The following AFF1 variants were observed in gnomAD, a reference collection of about 807,000 sequenced individuals.
AFF1 encodes the protein ALF transcription elongation factor 1.
In AFF1, 48 loss-of-function variants were observed where a neutral mutation model predicts 121.7. The observed-to-expected ratio is 0.39, with a 90% CI of 0.31 to 0.50. The LOEUF is 0.50. AFF1 is among the 20% of genes least tolerant of loss of function. AFF1 has a pLI of 0.76. For synonymous variants in AFF1, 613 were observed against 563.0 expected (o/e 1.09, Z -1.26); for missense variants, 1,523 against 1,511.7 (o/e 1.01, Z -0.12).
chr4:87,041,820 G>A (rs1289317659), intron 2 of AFF1, among the ~76,000 whole-genome samples: 5 of 151,490 alleles, frequency 3.3e-5, no homozygotes, highest in African/African-American at 7.3e-5. Context: ...TTTGAGACCC[G>A]TGTGGCCAAC....
chr4:86,961,661 CAAAA>C (rs3839151), intron 2 of AFF1, among the ~76,000 whole-genome samples: 1 of 144,742 alleles, frequency 6.9e-6, no homozygotes, highest in Non-Finnish European at 1.5e-5. Flanking sequence ...ATTAGTTACC[CAAAA>C]AAAAAAAAAT....
chr4:87,072,112 C>G (rs1448227153), intron 4 of AFF1, among the ~76,000 whole-genome samples: 4 of 152,046 alleles, frequency 2.6e-5, no homozygotes. Flanking sequence ...GCCTGTAATC[C>G]CAGCACTTTG....
At position 87,114,949 on chromosome 4, in the gene AFF1, G is replaced by A; in HGVS notation, c.2116G>A (p.Glu706Lys). The A allele has an allele frequency of 1.9e-6, 3 of 1,613,076 alleles. No homozygotes were observed. The highest frequency in any genetic ancestry group is 2.5e-6 in the Non-Finnish European group (3 of 1,179,472). ...AKDNVEDRTP[E>K]HFALVPLTES... ...GGACAATGTGGAGGACAGGACCCCTGAGCACTTTGCTCTTGTTCCCCTGAC... is the reference window on the plus strand; with the variant it reads ...GGACAATGTGGAGGACAGGACCCCTAAGCACTTTGCTCTTGTTCCCCTGAC... The change falls in exon 12 of 21, where the codon GAG (glutamate) becomes AAG (lysine). Residue 706 changes from glutamate to lysine, a missense_variant. By Grantham distance (56) the Glu-to-Lys change is moderately conservative. Transcript: ENST00000395146.
rs1471571114 is a variant in AFF1 at position 87,138,249 on chromosome 4, C to T, written c.*2548C>T. 3.9e-5 allele frequency: 9 copies of T among 232,230 alleles called. No individual in the cohort carries two copies. The highest frequency in any genetic ancestry group is 3.0e-4 in the East Asian group (5 of 16,454). The allele number at this position is 232,230 out of a possible 1,614,324, so 14.4% of individuals were successfully genotyped here. On this transcript the variant is annotated 3_prime_UTR_variant, in exon 21 of 21. Coordinates refer to ENST00000395146, the MANE Select transcript of AFF1 (RefSeq NM_001166693.3). ...CGTTCATAGGGTCTTTTTGCTGTTA[C>T]GGTTGTATATAGAGGTCTGAAGGAT...
At chr4:87,019,810 C>T (rs75934767) in intron 2 of AFF1, among the ~76,000 whole-genome samples, 19 of 142,724 alleles carry the variant, frequency 1.3e-4, no homozygotes, top group South Asian at 6.6e-4. Context: ...TAATTGAAAC[C>T]GTGGGATCCC....
At chr4:87,050,895 T>G (rs1578147491) in intron 4 of AFF1, among the ~76,000 whole-genome samples, 1 of 152,026 alleles carries the variant, frequency 6.6e-6, no homozygotes, top group East Asian at 1.9e-4. Flanking sequence ...AGATAACAAG[T>G]GAAAGAGAGA....
At chr4:86,974,864 C>T (rs553469159) in intron 2 of AFF1, among the ~76,000 whole-genome samples, 10 of 152,152 alleles carry the variant, frequency 6.6e-5, no homozygotes, top group Admixed American at 6.6e-4. Flanking sequence ...ATTTTGCCAT[C>T]GTTTCTGGTT....
At chr4:86,984,675 C>T (rs1481391271) in intron 2 of AFF1, among the ~76,000 whole-genome samples, 1 of 152,112 alleles carries the variant, frequency 6.6e-6, no homozygotes, top group South Asian at 2.1e-4. Context: ...GTGGTTTAAG[C>T]TTGTTATCCC....
At chr4:87,126,384 C>T in intron 14 of AFF1, 48 bp downstream of exon 14, 2 of 1,541,716 alleles carry the variant, frequency 1.3e-6, no homozygotes, top group Non-Finnish European at 1.8e-6. Context: ...CATTGCTGTA[C>T]CTTTACGTTC....
At chr4:87,055,239 T>C (rs1719993852) in intron 4 of AFF1, among the ~76,000 whole-genome samples, 1 of 152,222 alleles carries the variant, frequency 6.6e-6, no homozygotes, top group Non-Finnish European at 1.5e-5. Flanking sequence ...GAAGGAAACT[T>C]TTTAAGTAAT....
rs530093591 is a variant in AFF1, at chr4:86,966,665, C to CT, written c.38+18095dup. On this transcript the variant is annotated intron_variant, in intron 2 of 20. Transcript: ENST00000395146. ...CTTAAGAGTTACTTGGCTCAGTCTGCTGGTTGAGCCTTTAGGATTTGTTGA... is the reference window on the plus strand; with the variant it reads ...CTTAAGAGTTACTTGGCTCAGTCTGCTTGGTTGAGCCTTTAGGATTTGTTGA... Among the ~76,000 whole-genome samples the CT allele has an allele frequency of 6.4e-4, 97 of 152,174 alleles. No individual in the cohort carries two copies. The South Asian group carries it at 0.019, about 31-fold the overall frequency.
chr4:87,022,594 CTATCTGTGTGTATATATATCTG>C (rs1560547495), intron 2 of AFF1, among the ~76,000 whole-genome samples: 1 of 100,080 alleles, frequency 1.0e-5, no homozygotes, highest in African/African-American at 4.2e-5. Context: ...CTATCTATAT[CTATCTGTGTGTATATATATCTG>C]TGTGTGTATA....
chr4:87,044,385 A>G (rs1730463247), intron 2 of AFF1, among the ~76,000 whole-genome samples: 1 of 152,160 alleles, frequency 6.6e-6, no homozygotes, highest in African/African-American at 2.4e-5. Context: ...TTTAGCACCA[A>G]GAGAGGTGCT....
rs1560547506 is a variant in AFF1, at chr4:87,022,596, A to ATC, written c.39-23568_39-23567dup. 9.5e-4 allele frequency among the ~76,000 whole-genome samples: 98 copies of ATC among 102,674 alleles called. 1 individual carries two copies. Among genetic ancestry groups the ATC allele is most frequent in the African/African-American group, 3.0e-3 (83 of 27,796 alleles). 67.4% of individuals were successfully genotyped at this position (102,674 alleles called of 152,430 possible). On this transcript the variant is annotated intron_variant, in intron 2 of 20. Coordinates refer to ENST00000395146, the MANE Select transcript of AFF1 (RefSeq NM_001166693.3). The stretch of plus-strand genomic sequence containing the variant: ...TATATATATATATCTATCTATATCT[A>ATC]TCTGTGTGTATATATATCTGTGTGT...
intron 7 of AFF1, 110 bp from the exon 8 acceptor site, chr4:87,094,805 C>G (rs1724663960): frequency 2.2e-6 from 2 of 924,042 alleles, no homozygotes; most frequent in Admixed American, 4.0e-5. Flanking sequence ...AAGATTGTAC[C>G]AAGTGCAGTG....
intron 12 of AFF1, among the ~76,000 whole-genome samples, chr4:87,119,978 G>T (rs550492925): frequency 6.6e-6 from 1 of 152,274 alleles, no homozygotes; most frequent in East Asian, 1.9e-4. Flanking sequence ...CTCCAGATCA[G>T]CACCCCTAGT....
chr4:86,977,551 A>C (rs566737316), intron 2 of AFF1, among the ~76,000 whole-genome samples: 11 of 152,052 alleles, frequency 7.2e-5, no homozygotes, highest in African/African-American at 2.7e-4. Flanking sequence ...GGATTCTCCA[A>C]CCTCACCTTT....
intron 12 of AFF1, among the ~76,000 whole-genome samples, chr4:87,119,954 T>G (rs1307970439): frequency 6.6e-6 from 1 of 152,184 alleles, no homozygotes; most frequent in African/African-American, 2.4e-5. Context: ...TGACTGTCTT[T>G]TCTTGGGTTA....
At chr4:87,034,534 CT>C (rs1346790788) in intron 2 of AFF1, among the ~76,000 whole-genome samples, 3 of 152,150 alleles carry the variant, frequency 2.0e-5, no homozygotes, top group African/African-American at 7.2e-5. Context: ...TAAAATTATT[CT>C]GAATCTGTTG....
Sources: allele counts gnomAD v4.1 joint callset (sites outside exome capture counted in the v4.1 genomes callset), GRCh38; gene constraint gnomAD v4.1.1; transcripts MANE v1.5; gene names NCBI Gene and HGNC (gene_info 2026-07-23, HGNC 2026-07-21).